The following POLD3 variants were observed in gnomAD, a reference collection of about 807,000 sequenced individuals.
The protein encoded by POLD3 is DNA polymerase delta 3, accessory subunit, also known as DNA polymerase delta subunit 3.
Under a neutral mutation model 58.2 loss-of-function variants are expected in POLD3, and 19 were observed. The observed-to-expected ratio is 0.33, with a 90% CI of 0.23 to 0.48. The LOEUF (loss-of-function observed/expected upper bound fraction) is 0.48, where lower values mean the gene tolerates loss of function less well. POLD3 is among the 20% of genes least tolerant of loss of function. POLD3 has a pLI of 0.99. For synonymous variants in POLD3, 172 were observed against 193.5 expected, an observed-to-expected ratio of 0.89 and a Z score of 0.92; for missense variants, 504 against 545.5, an observed-to-expected ratio of 0.92 and a Z score of 0.76.
At chr11:74,620,526 G>C (rs1474816792) in intron 7 of POLD3, among the ~76,000 whole-genome samples, 1 of 152,234 alleles carries the variant, frequency 6.6e-6, no homozygotes, top group East Asian at 1.9e-4. Flanking sequence ...CCTTTCTTCA[G>C]TTATTTTTTG....
intron 2 of POLD3, among the ~76,000 whole-genome samples, chr11:74,597,845 TA>T (rs1160457228): frequency 6.6e-6 from 1 of 152,010 alleles, no homozygotes; most frequent in African/African-American, 2.4e-5. Context: ...GAGGCTGAGG[TA>T]GGAGGATTGC....
intron 8 of POLD3, among the ~76,000 whole-genome samples, chr11:74,625,871 T>TTTGTG (rs142784051): frequency 2.1e-5 from 3 of 143,574 alleles, no homozygotes; most frequent in Admixed American, 6.9e-5. Flanking sequence ...GTGTGCCTAG[T>TTTGTG]TGTGTGTGTG....
chr11:74,625,871 T>TTGTGTGTGTGTGTGTGTG (rs56365420), intron 8 of POLD3, among the ~76,000 whole-genome samples: 69 of 143,678 alleles, frequency 4.8e-4, no homozygotes, highest in South Asian at 2.0e-3. Context: ...GTGTGCCTAG[T>TTGTGTGTGTGTGTGTGTG]TGTGTGTGTG....
intron 2 of POLD3, among the ~76,000 whole-genome samples, chr11:74,600,520 A>T (rs1002162143): frequency 6.6e-6 from 1 of 151,794 alleles, no homozygotes; most frequent in African/African-American, 2.4e-5. Context: ...CTGTAGTCCC[A>T]GCTACTTGGG....
intron 2 of POLD3, among the ~76,000 whole-genome samples, chr11:74,599,954 T>C (rs1430011479): frequency 1.5e-5 from 2 of 135,502 alleles, no homozygotes; most frequent in Admixed American, 7.7e-5. Flanking sequence ...GTTATTATTA[T>C]TATTTTTTTT....
At chr11:74,603,251 G>T (rs941654232) in intron 2 of POLD3, among the ~76,000 whole-genome samples, 3 of 152,172 alleles carry the variant, frequency 2.0e-5, no homozygotes, top group African/African-American at 7.2e-5. Flanking sequence ...AAGGTGAGGT[G>T]GGGAGGAGAA....
At chr11:74,634,467 A>G in intron 9 of POLD3, 116 bp from the exon 10 acceptor site, 1 of 636,514 alleles carries the variant, frequency 1.6e-6, no homozygotes. Flanking sequence ...GTTGTCATGA[A>G]TTACTGCTTG....
downstream of POLD3, among the ~76,000 whole-genome samples, chr11:74,645,918 A>G (rs143722201): frequency 6.6e-6 from 1 of 150,444 alleles, no homozygotes; most frequent in Non-Finnish European, 1.5e-5. Flanking sequence ...TCATACTTCC[A>G]TACCGCCCAG....
At chr11:74,647,799 A>C (rs141272937), downstream of POLD3, among the ~76,000 whole-genome samples, 140 of 152,330 alleles carry the variant, frequency 9.2e-4, 1 homozygote, top group African/African-American at 3.1e-3. Context: ...TGCATTAAAT[A>C]CTGGGGATAC....
intron 2 of POLD3, among the ~76,000 whole-genome samples, chr11:74,600,863 A>G (rs549368316): frequency 2.0e-5 from 3 of 151,896 alleles, no homozygotes; most frequent in African/African-American, 4.8e-5. Flanking sequence ...GATTACGGGC[A>G]TGCGCCACCA....
At chr11:74,635,060 A>G (rs1400037594) in intron 10 of POLD3, among the ~76,000 whole-genome samples, 2 of 152,170 alleles carry the variant, frequency 1.3e-5, no homozygotes, top group African/African-American at 4.8e-5. Flanking sequence ...AACTTAACAC[A>G]CGTTTGTTGC....
intron 7 of POLD3, among the ~76,000 whole-genome samples, chr11:74,623,311 T>A (rs1190690217): frequency 1.3e-5 from 2 of 151,978 alleles, no homozygotes; most frequent in African/African-American, 2.4e-5. Context: ...GGTGGGCGCC[T>A]GTAGTCCCAG....
At chr11:74,665,549 C>T (rs185407678) in intron 4 of POLD3, among the ~76,000 whole-genome samples, 97 of 151,860 alleles carry the variant, frequency 6.4e-4, no homozygotes, top group Admixed American at 2.8e-3. Context: ...TACAGGCATG[C>T]GCTACCACAC....
Position 74,640,830 on chromosome 11 carries a change from C to A in POLD3, c.*64C>A, listed in dbSNP as rs1336892273. 3 of 1,422,292 alleles carry A rather than the reference C, an allele frequency of 2.1e-6. No individual in the cohort carries two copies. In the East Asian group the frequency reaches 7.8e-5, roughly 37 times the overall value. 88.1% of individuals were successfully genotyped at this position (1,422,292 alleles called of 1,614,324 possible). ...AGGGAGAAGACCAAGAAATGTACTC[C>A]TCACTTACTATGTAAGTTCATCTAG... On this transcript the variant is annotated 3_prime_UTR_variant, in exon 12 of 12. Coordinates refer to ENST00000263681, the MANE Select transcript of POLD3 (RefSeq NM_006591.3).
chr11:74,594,249 T>C (rs2031143247), intron 2 of POLD3, 133 bp downstream of exon 2: 1 of 636,984 alleles, frequency 1.6e-6, no homozygotes, highest in Non-Finnish European at 2.8e-6. Context: ...TGGTATTTCT[T>C]GGCTTGTAGC....
intron 8 of POLD3, among the ~76,000 whole-genome samples, chr11:74,626,187 G>A (rs1432584140): frequency 2.0e-5 from 3 of 152,102 alleles, no homozygotes; most frequent in East Asian, 1.9e-4. Flanking sequence ...GACTACTCTC[G>A]TTGAAAACAT....
chr11:74,641,500 C>A lies in POLD3; in HGVS notation c.*734C>A. The A allele has an allele frequency of 1.0e-6, 1 of 985,406 alleles. No homozygotes were observed. Among genetic ancestry groups the A allele is most frequent in the Non-Finnish European group, 1.2e-6 (1 of 829,932 alleles). 61.0% of individuals were successfully genotyped at this position (985,406 alleles called of 1,614,324 possible). Reference sequence around the variant, plus strand: ...ATGTGTTCAACTCCACCAGAAATTACCTCGAGTCAGCATTGACGATATTGG... The same window carrying A: ...ATGTGTTCAACTCCACCAGAAATTAACTCGAGTCAGCATTGACGATATTGG... On this transcript the variant is annotated 3_prime_UTR_variant, in exon 12 of 12. Transcript: ENST00000263681.
chr11:74,642,818 T>A lies in POLD3; in HGVS notation c.*2052T>A. ...AGCTCTGAATGGGAAGAAGGCTGGT[T>A]TTCAGTTGATATTGTTAAAACTGCA... On this transcript the variant is annotated 3_prime_UTR_variant, in exon 12 of 12. Transcript: ENST00000263681. 1.0e-6 allele frequency: 1 copy of A among 985,364 alleles called. No individual in the cohort carries two copies. 61.0% of individuals were successfully genotyped at this position (985,364 alleles called of 1,614,324 possible).
intron 4 of POLD3, among the ~76,000 whole-genome samples, chr11:74,659,856 GTCT>G (rs2033183471): frequency 6.6e-6 from 1 of 152,140 alleles, no homozygotes; most frequent in South Asian, 2.1e-4. Context: ...ACATTTTTCT[GTCT>G]TCTTCTGAGC....
Sources: allele counts gnomAD v4.1 joint callset (sites outside exome capture counted in the v4.1 genomes callset), GRCh38; gene constraint gnomAD v4.1.1; transcripts MANE v1.5; gene names NCBI Gene and HGNC (gene_info 2026-07-23, HGNC 2026-07-21).